MAST4: variants seen among roughly 807,000 people sequenced by gnomAD.
MAST4 encodes microtubule-associated serine/threonine-protein kinase 4.
A neutral mutation model predicts 162.7 loss-of-function variants in MAST4; 89 were observed. The observed-to-expected ratio is 0.55, with a 90% CI of 0.46 to 0.65. MAST4 has a LOEUF of 0.65. Among genes scored for constraint, MAST4 ranks in the 30% least tolerant of loss-of-function variants. The pLI is 0.00. For synonymous variants in MAST4, 1,479 were observed against 1,361.1 expected, an observed-to-expected ratio of 1.09 and a Z score of -1.91; for missense variants, 3,153 against 3,374.0, an observed-to-expected ratio of 0.93 and a Z score of 1.62.
intron 2 of MAST4, among the ~76,000 whole-genome samples, chr5:66,770,326 G>A (rs1389918114): frequency 1.3e-5 from 2 of 152,232 alleles, no homozygotes; most frequent in Non-Finnish European, 2.9e-5. Context: ...CTTGTCAGGA[G>A]TAGTAAGGTC....
chr5:66,986,583 A>T, intron 4 of MAST4: 22 of 449,544 alleles, frequency 4.9e-5, no homozygotes, highest in Non-Finnish European at 6.3e-5. Flanking sequence ...ATATATTAAA[A>T]ATATATATGT....
chr5:67,049,947 T>A (rs894326630), intron 4 of MAST4, among the ~76,000 whole-genome samples: 1 of 152,194 alleles, frequency 6.6e-6, no homozygotes, highest in Non-Finnish European at 1.5e-5. Context: ...AGGAGACAAG[T>A]GGCAGACCCA....
Position 67,168,000 on chromosome 5 carries a change from C to T in MAST4, c.*949C>T, listed in dbSNP as rs1711567250. On this transcript the variant is annotated 3_prime_UTR_variant, in exon 29 of 29. Coordinates refer to ENST00000403625, the MANE Select transcript of MAST4 (RefSeq NM_001164664.2). ...GTGAGTGACTAGTCCAAGAAGCACACATTTTGTAGTAGTCCTGCACCAGCC... is the reference window on the plus strand; with the variant it reads ...GTGAGTGACTAGTCCAAGAAGCACATATTTTGTAGTAGTCCTGCACCAGCC... The T allele has an allele frequency of 6.6e-6, 1 of 152,222 alleles. No individual in the cohort carries two copies. Among genetic ancestry groups the T allele is most frequent in the East Asian group, 1.9e-4 (1 of 5,198 alleles). The allele number at this position is 152,222 out of a possible 1,614,324, so 9.4% of individuals were successfully genotyped here.
At chr5:66,860,037 A>G (rs945059315) in intron 3 of MAST4, among the ~76,000 whole-genome samples, 7 of 152,244 alleles carry the variant, frequency 4.6e-5, no homozygotes, top group Admixed American at 2.0e-4. Context: ...ATGATTTGAT[A>G]TATTTTATTA....
At chr5:66,986,052 G>A (rs1010952480) in intron 4 of MAST4, among the ~76,000 whole-genome samples, 2 of 152,184 alleles carry the variant, frequency 1.3e-5, no homozygotes, top group African/African-American at 4.8e-5. Flanking sequence ...TTCCCTCAAG[G>A]AAAACAGACA....
rs923236028 is a variant in MAST4 at position 67,164,645 on chromosome 5, C to T, written c.5466C>T (p.Ser1822=). ...GPQASKTELP[S]PESAQSPSPS... is the part of the protein sequence containing the mutation. ...AGGCCTCCAAGACAGAACTGCCTTC[C>T]CCAGAGTCTGCACAGAGCCCCAGCC... The change falls in exon 29 of 29, where the codon TCC becomes TCT. Residue 1822 remains serine (S), a synonymous_variant. Transcript: ENST00000403625. The surrounding 1 kb of genome is among the most constrained non-coding windows in gnomAD (Gnocchi z 5.3). The T allele has an allele frequency of 7.4e-6, 12 of 1,613,876 alleles. No homozygotes were observed. Among genetic ancestry groups the T allele is most frequent in the Admixed American group, 1.7e-5 (1 of 60,012 alleles).
At chr5:66,776,051 C>T (rs26391) in intron 2 of MAST4, among the ~76,000 whole-genome samples, 22,428 of 152,176 alleles carry the variant, frequency 0.15, 1,956 homozygotes, top group East Asian at 0.44. Flanking sequence ...TTATGAAATA[C>T]ACGATTATGT....
intron 2 of MAST4, 146 bp downstream of exon 2, chr5:66,760,008 A>G: frequency 1.3e-6 from 1 of 787,890 alleles, no homozygotes; most frequent in Non-Finnish European, 1.8e-6. Context: ...TAATCCAGAA[A>G]GCAGTTAAAT....
chr5:66,933,349 A>C lies in MAST4; in HGVS notation c.674+33367A>C, dbSNP rs143662308. On this transcript the variant is annotated intron_variant, in intron 4 of 28. Transcript: ENST00000403625. The stretch of plus-strand genomic sequence containing the variant: ...CATGCATTTCAACTTCCATCAGCAA[A>C]ACCTATTAATAATTGTTCTACATTC... 6.6e-3 allele frequency among the ~76,000 whole-genome samples: 1,010 copies of C among 152,310 alleles called. 14 individuals carry two copies. Among genetic ancestry groups the C allele is most frequent in the African/African-American group, 0.023 (972 of 41,560 alleles).
chr5:66,712,798 A>AG (rs1750580202), intron 1 of MAST4, among the ~76,000 whole-genome samples: 1 of 152,236 alleles, frequency 6.6e-6, no homozygotes, highest in African/African-American at 2.4e-5. Context: ...CACTCCACAA[A>AG]GACCTATCTA....
chr5:66,669,055 A>G (rs541341437), intron 1 of MAST4, among the ~76,000 whole-genome samples: 77 of 152,206 alleles, frequency 5.1e-4, no homozygotes, highest in Non-Finnish European at 8.7e-4. Flanking sequence ...TCCTTAGTAC[A>G]TGTTCCTTTT....
At chr5:66,901,660 A>G (rs2149982585) in intron 4 of MAST4, among the ~76,000 whole-genome samples, 1 of 152,272 alleles carries the variant, frequency 6.6e-6, no homozygotes, top group South Asian at 2.1e-4. Context: ...GAAGATGAGC[A>G]TGAAGCACAC....
chr5:67,017,660 A>G (rs1255549340), intron 4 of MAST4, among the ~76,000 whole-genome samples: 2 of 148,790 alleles, frequency 1.3e-5, no homozygotes, highest in East Asian at 2.0e-4. Flanking sequence ...CTGGAGTGCA[A>G]TGGTGTGATC....
intron 4 of MAST4, among the ~76,000 whole-genome samples, chr5:67,049,045 G>GTGTA (rs1443248918): frequency 2.0e-4 from 20 of 100,544 alleles, no homozygotes; most frequent in South Asian, 9.0e-4. Flanking sequence ...ATATATACGT[G>GTGTA]TATATATATA....
In MAST4 at chr5:67,145,113, A is replaced by G. The variant is rs201554500; in HGVS notation, c.2859-31A>G. The G allele has an allele frequency of 4.1e-4, 625 of 1,514,568 alleles. 2 individuals carry two copies. The highest frequency in any genetic ancestry group is 3.1e-3 in the Admixed American group (166 of 52,812). 93.8% of individuals were successfully genotyped at this position (1,514,568 alleles called of 1,614,324 possible). A position where few individuals can be genotyped will look rare whatever the true frequency, so the allele number is the denominator to read the frequency against. ...CCTTTAACACAGTTTTCTAGTATGT[A>G]TATATGACTTTGTTTTTGCTTTTAA... On this transcript the variant is annotated intron_variant, in intron 22 of 28. Transcript: ENST00000403625.
chr5:67,062,882 GTCC>G (rs2150604532), intron 5 of MAST4, among the ~76,000 whole-genome samples: 2 of 152,150 alleles, frequency 1.3e-5, no homozygotes, highest in South Asian at 4.1e-4. Flanking sequence ...GCACCTTGCT[GTCC>G]TCCTTGTAGA....
At chr5:66,658,249 G>A (rs1746677657) in intron 1 of MAST4, among the ~76,000 whole-genome samples, 2 of 152,142 alleles carry the variant, frequency 1.3e-5, no homozygotes, top group East Asian at 1.9e-4. Flanking sequence ...TGGCTTTTAG[G>A]CATAATTATG....
chr5:66,807,481 C>T (rs1486487224), intron 3 of MAST4, among the ~76,000 whole-genome samples: 2 of 146,330 alleles, frequency 1.4e-5, no homozygotes, highest in South Asian at 2.1e-4. Context: ...CCGGCCTGGG[C>T]GACAGAGCGA....
At chr5:66,713,101 C>T (rs1377187326) in intron 1 of MAST4, among the ~76,000 whole-genome samples, 1 of 152,190 alleles carries the variant, frequency 6.6e-6, no homozygotes, top group East Asian at 1.9e-4. Flanking sequence ...TGTAGCAGAA[C>T]AATCTGCTTC....
Sources: gnomAD v4.1 joint callset for allele counts (sites outside exome capture counted in the v4.1 genomes callset) on GRCh38, gnomAD v4.1.1 for gene constraint, Gnocchi (gnomAD v3.1) non-coding constraint, MANE v1.5 for transcripts, NCBI Gene and HGNC (gene_info 2026-07-23, HGNC 2026-07-21) for gene names.